OR1B1: variants seen among roughly 807,000 people sequenced by gnomAD.
OR1B1 encodes olfactory receptor 1B1.
For missense variants in OR1B1, 414 were observed against 402.1 expected (o/e 1.03, Z -0.25); for synonymous variants, 168 against 156.2 (o/e 1.08, Z -0.57).
At chr9:122,628,549 A>G, downstream of OR1B1, 1 of 1,424,462 alleles carries the variant, frequency 7.0e-7, no homozygotes, top group Non-Finnish European at 9.8e-7. Flanking sequence ...GACTTTTCTC[A>G]CCTATTCAAT....
chr9:122,644,285 C>T, the OR1B1 span, among the ~76,000 whole-genome samples: 1 of 152,162 alleles, frequency 6.6e-6, no homozygotes, highest in Non-Finnish European at 1.5e-5. Context: ...GAAAGAAGAG[C>T]CCTTGGGCTT....
the OR1B1 span, among the ~76,000 whole-genome samples, chr9:122,652,690 TTTG>T: frequency 2.8e-4 from 42 of 152,286 alleles, no homozygotes; most frequent in Non-Finnish European, 1.9e-4. Context: ...AGGTTCTATG[TTTG>T]TTGTTGTTTT....
chr9:122,656,591 C>A, the OR1B1 span, among the ~76,000 whole-genome samples: 42,665 of 152,090 alleles, frequency 0.28, 7,189 homozygotes, highest in East Asian at 0.58. Flanking sequence ...GCCAAATTCT[C>A]GTGTCATGCC....
chr9:122,647,442 CA>C, the OR1B1 span, among the ~76,000 whole-genome samples: 1 of 151,474 alleles, frequency 6.6e-6, no homozygotes, highest in African/African-American at 2.4e-5. Context: ...GTGCATACAT[CA>C]AAAAAGAGGA....
the OR1B1 span, among the ~76,000 whole-genome samples, chr9:122,644,848 T>C: frequency 6.6e-6 from 1 of 151,834 alleles, no homozygotes; most frequent in African/African-American, 2.4e-5. Flanking sequence ...CTGTGAAAAC[T>C]ACAATAACTA....
the OR1B1 span, among the ~76,000 whole-genome samples, chr9:122,651,629 T>G: frequency 2.0e-5 from 3 of 152,126 alleles, no homozygotes; most frequent in African/African-American, 7.2e-5. Context: ...CTTAAGAAAA[T>G]GATTTAGAGT....
chr9:122,653,195 G>A, the OR1B1 span, among the ~76,000 whole-genome samples: 1 of 152,190 alleles, frequency 6.6e-6, no homozygotes. Flanking sequence ...ATGTATTAAT[G>A]TAATATGTAT....
chr9:122,630,277 T>C (rs942009086), upstream of OR1B1, among the ~76,000 whole-genome samples: 3 of 152,368 alleles, frequency 2.0e-5, no homozygotes, highest in African/African-American at 7.2e-5. Flanking sequence ...TAGAATGTCA[T>C]GAAATTACTT....
At chr9:122,638,193 T>G in the OR1B1 span, among the ~76,000 whole-genome samples, 6 of 152,198 alleles carry the variant, frequency 3.9e-5, no homozygotes, top group Non-Finnish European at 8.8e-5. Flanking sequence ...ATAGCTTATT[T>G]GGGATAGTAG....
the OR1B1 span, among the ~76,000 whole-genome samples, chr9:122,652,638 T>C: frequency 1.3e-4 from 20 of 152,326 alleles, no homozygotes; most frequent in African/African-American, 4.6e-4. Flanking sequence ...AATTTTCTGT[T>C]CATATATATT....
chr9:122,651,200 C>G, the OR1B1 span, among the ~76,000 whole-genome samples: 2 of 152,194 alleles, frequency 1.3e-5, no homozygotes, highest in East Asian at 3.9e-4. Flanking sequence ...TTAATTGATA[C>G]ATAATATTTG....
chr9:122,639,283 C>T, the OR1B1 span, among the ~76,000 whole-genome samples: 10 of 151,992 alleles, frequency 6.6e-5, no homozygotes, highest in South Asian at 2.1e-4. Context: ...AAGTTTGAGA[C>T]GATCTTAAAT....
exon 1 of OR1B1, chr9:122,629,158 C>T (rs757044002): frequency 1.5e-5 from 25 of 1,613,858 alleles, no homozygotes; most frequent in Non-Finnish European, 2.1e-5. Flanking sequence ...CACAGATGGC[C>T]ACATAGCGAT....
chr9:122,634,929 A>C, the OR1B1 span, among the ~76,000 whole-genome samples: 1 of 152,200 alleles, frequency 6.6e-6, no homozygotes, highest in East Asian at 1.9e-4. Context: ...CATTGTTGGA[A>C]GGAATGTAAA....
At chr9:122,631,777 G>A (rs1334931890), upstream of OR1B1, among the ~76,000 whole-genome samples, 2 of 151,974 alleles carry the variant, frequency 1.3e-5, no homozygotes, top group Non-Finnish European at 2.9e-5. Flanking sequence ...TTCAGCAAAA[G>A]GGTATACACG....
At chr9:122,650,950 G>A in the OR1B1 span, among the ~76,000 whole-genome samples, 5 of 151,972 alleles carry the variant, frequency 3.3e-5, no homozygotes, top group East Asian at 1.9e-4. Context: ...GCGTGAACCC[G>A]GGAGGTGGAG....
chr9:122,656,322 C>T, the OR1B1 span, among the ~76,000 whole-genome samples: 1 of 152,140 alleles, frequency 6.6e-6, no homozygotes, highest in Non-Finnish European at 1.5e-5. Context: ...TTTAAGATGT[C>T]CCCCAAAGTC....
At chr9:122,631,990 T>A (rs1830208372), upstream of OR1B1, among the ~76,000 whole-genome samples, 1 of 152,012 alleles carries the variant, frequency 6.6e-6, no homozygotes, top group Non-Finnish European at 1.5e-5. Flanking sequence ...AAAATCAACA[T>A]AAAAATTATC....
the OR1B1 span, among the ~76,000 whole-genome samples, chr9:122,654,162 TTG>T: frequency 1.3e-5 from 2 of 152,138 alleles, no homozygotes; most frequent in South Asian, 4.1e-4. Context: ...GGAGCTTCCA[TTG>T]TAGCTAGGAT....
Sources: gnomAD v4.1 joint callset for allele counts (sites outside exome capture counted in the v4.1 genomes callset) on GRCh38, gnomAD v4.1.1 for gene constraint, MANE v1.5 for transcripts, NCBI Gene and HGNC (gene_info 2026-07-23, HGNC 2026-07-21) for gene names.